The following SRGAP2C variants were observed in gnomAD, a reference collection of about 807,000 sequenced individuals.
SRGAP2C encodes SLIT-ROBO Rho GTPase activating protein 2C, also known as SLIT-ROBO Rho GTPase-activating protein 2C.
SRGAP2C carries 15 observed loss-of-function variants against 25.1 expected under a neutral mutation model. The observed-to-expected ratio is 0.60, with a 90% CI of 0.40 to 0.92. The LOEUF (loss-of-function observed/expected upper bound fraction) is 0.92, where lower values mean the gene tolerates loss of function less well. Among genes scored for constraint, SRGAP2C ranks in the 40% least tolerant of loss-of-function variants. The pLI, the probability that SRGAP2C is intolerant of heterozygous loss-of-function variation, is 0.00. For synonymous variants in SRGAP2C, 44 were observed against 96.6 expected (o/e 0.46, Z 3.19); for missense variants, 144 against 264.4 (o/e 0.54, Z 3.16).
intron 2 of SRGAP2C, among the ~76,000 whole-genome samples, chr1:121,280,078 A>G (rs1367699003): frequency 1.3e-5 from 2 of 150,548 alleles, no homozygotes; most frequent in Non-Finnish European, 3.0e-5. Context: ...GTACAATTCA[A>G]TTTTTTAAAC....
intron 4 of SRGAP2C, among the ~76,000 whole-genome samples, chr1:121,354,398 T>C (rs1467201631): frequency 1.2e-4 from 1 of 8,292 alleles, no homozygotes; most frequent in African/African-American, 5.8e-4. Flanking sequence ...TTTTTTTTCT[T>C]TTTTTTTTTT....
chr1:121,314,502 C>G (rs1570777787), intron 3 of SRGAP2C, among the ~76,000 whole-genome samples: 1 of 152,254 alleles, frequency 6.6e-6, no homozygotes, highest in South Asian at 2.1e-4. Flanking sequence ...GAGAGGCGCT[C>G]TGCGTTTTAG....
At chr1:121,248,508 G>A (rs1277918246) in intron 2 of SRGAP2C, among the ~76,000 whole-genome samples, 23 of 142,964 alleles carry the variant, frequency 1.6e-4, no homozygotes, top group South Asian at 6.8e-4. Context: ...GTGCAGTGGC[G>A]CAATCTTGGC....
chr1:121,355,099 A>G (rs1324765428), intron 4 of SRGAP2C, among the ~76,000 whole-genome samples: 2 of 112,142 alleles, frequency 1.8e-5, no homozygotes, highest in African/African-American at 6.6e-5. Context: ...ATATATACTT[A>G]ATAACATAGG....
chr1:121,314,882 G>A, intron 3 of SRGAP2C: 3 of 598,080 alleles, frequency 5.0e-6, no homozygotes, highest in South Asian at 4.6e-5. Flanking sequence ...CACGCTGGGA[G>A]CTGTAGACCG....
intron 2 of SRGAP2C, among the ~76,000 whole-genome samples, chr1:121,235,117 G>A (rs1553328251): frequency 1.4e-5 from 2 of 145,846 alleles, no homozygotes; most frequent in Non-Finnish European, 3.0e-5. Flanking sequence ...CGCCTCCCGG[G>A]TTCACGCCAT....
At chr1:121,236,205 C>G (rs1655954115) in intron 2 of SRGAP2C, among the ~76,000 whole-genome samples, 1 of 152,134 alleles carries the variant, frequency 6.6e-6, no homozygotes, top group East Asian at 1.9e-4. Flanking sequence ...TGTGAACCTC[C>G]TTTCCTGCGA....
chr1:121,271,453 C>T (rs587764321), intron 2 of SRGAP2C, among the ~76,000 whole-genome samples: 26 of 151,752 alleles, frequency 1.7e-4, no homozygotes, highest in South Asian at 1.7e-3. Flanking sequence ...GAGGAGGATA[C>T]GGAATGTACA....
chr1:121,206,529 C>G (rs1323277832), intron 2 of SRGAP2C, among the ~76,000 whole-genome samples: 1 of 151,562 alleles, frequency 6.6e-6, no homozygotes, highest in African/African-American at 2.4e-5. Context: ...CAGAGGGACT[C>G]CCTGGTTGCT....
At chr1:121,372,158 GA>G (rs1659509723) in intron 5 of SRGAP2C, among the ~76,000 whole-genome samples, 1 of 151,418 alleles carries the variant, frequency 6.6e-6, no homozygotes, top group Admixed American at 6.6e-5. Context: ...CATTCAAAAT[GA>G]GACATAATTT....
At position 121,185,037 on chromosome 1, in the gene SRGAP2C, G is replaced by C; in HGVS notation, c.-630G>C. ...TCCAGGGACTGGGGCACCGATCTGC[G>C]TAGAAACGGGTGGCGGGGAAGAGAG... is the stretch of plus-strand genomic sequence containing the variant. On this transcript the variant is annotated 5_prime_UTR_variant, in exon 1 of 10. Transcript: ENST00000367123. 1 of 520,298 alleles carries C rather than the reference G, an allele frequency of 1.9e-6. No homozygotes were observed. 32.2% of individuals were successfully genotyped at this position (520,298 alleles called of 1,614,324 possible). A position where few individuals can be genotyped will look rare whatever the true frequency, so the allele number is the denominator to read the frequency against.
intron 4 of SRGAP2C, among the ~76,000 whole-genome samples, chr1:121,335,838 C>T (rs1553342437): frequency 1.3e-5 from 2 of 150,940 alleles, no homozygotes; most frequent in African/African-American, 2.4e-5. Flanking sequence ...TTTTTACATG[C>T]CTACTAATCT....
In SRGAP2C at chr1:121,392,478, T is replaced by G. The variant is rs1660126530; in HGVS notation, c.*4623T>G. ...ATGGTTATTTCTCCCTTTAGTTCTC[T>G]TTTGAGATTTATAGTCACTCAAATA... On this transcript the variant is annotated 3_prime_UTR_variant, in exon 10 of 10. Transcript: ENST00000367123. The G allele has an allele frequency of 6.6e-6, 1 of 151,234 alleles. No homozygotes were observed. Among genetic ancestry groups the G allele is most frequent in the Non-Finnish European group, 1.5e-5 (1 of 67,826 alleles). The allele number at this position is 151,234 out of a possible 1,614,324, so 9.4% of individuals were successfully genotyped here.
intron 4 of SRGAP2C, among the ~76,000 whole-genome samples, chr1:121,343,020 A>C (rs1658666055): frequency 6.7e-6 from 1 of 149,602 alleles, no homozygotes; most frequent in Non-Finnish European, 1.5e-5. Context: ...CTTGGAAACA[A>C]TGGAAAATAC....
intron 3 of SRGAP2C, among the ~76,000 whole-genome samples, chr1:121,313,832 G>A (rs1360891982): frequency 1.5e-5 from 2 of 132,704 alleles, no homozygotes; most frequent in Non-Finnish European, 1.6e-5. Context: ...AGGGTAACCC[G>A]ACCTTTCTCT....
At chr1:121,336,182 G>A (rs1445767849) in intron 4 of SRGAP2C, among the ~76,000 whole-genome samples, 1 of 152,030 alleles carries the variant, frequency 6.6e-6, no homozygotes, top group Non-Finnish European at 1.5e-5. Flanking sequence ...CAACTATCCT[G>A]TTTGCCTTGG....
intron 4 of SRGAP2C, among the ~76,000 whole-genome samples, chr1:121,355,544 C>T (rs1255560902): frequency 1.5e-5 from 2 of 129,198 alleles, no homozygotes; most frequent in Non-Finnish European, 3.3e-5. Flanking sequence ...CTCCTGACCT[C>T]GTGATCCGCC....
chr1:121,202,317 C>T (rs1307944262), intron 2 of SRGAP2C, among the ~76,000 whole-genome samples: 2 of 152,134 alleles, frequency 1.3e-5, no homozygotes, highest in Non-Finnish European at 2.9e-5. Flanking sequence ...CTTCTTCTTT[C>T]CTGTCCCCTC....
chr1:121,212,123 ATTTTTTTT>A (rs60785126), intron 2 of SRGAP2C, among the ~76,000 whole-genome samples: 52 of 61,938 alleles, frequency 8.4e-4, no homozygotes, highest in African/African-American at 3.2e-3. Flanking sequence ...ATGGAGCTGT[ATTTTTTTT>A]TTTTTTTTTT....
Sources: gnomAD v4.1 joint callset for allele counts (sites outside exome capture counted in the v4.1 genomes callset) on GRCh38, gnomAD v4.1.1 for gene constraint, MANE v1.5 for transcripts, NCBI Gene and HGNC (gene_info 2026-07-23, HGNC 2026-07-21) for gene names.